Variants in PIEZO2 observed in about 807,000 individuals in gnomAD.
PIEZO2 encodes piezo type mechanosensitive ion channel component 2.
PIEZO2 carries 172 observed loss-of-function variants against 337.3 expected under a neutral mutation model. That is an observed-to-expected ratio of 0.51 (90% CI 0.45 to 0.58). The LOEUF (loss-of-function observed/expected upper bound fraction) is 0.58, where lower values mean the gene tolerates loss of function less well. Among genes scored for constraint, PIEZO2 ranks in the 20% least tolerant of loss-of-function variants. The probability of loss-of-function intolerance (pLI) is 0.00; values close to 1 mark genes in which losing one functional copy is unlikely to be tolerated. For synonymous variants in PIEZO2, 1,251 were observed against 1,228.5 expected, an observed-to-expected ratio of 1.02 and a Z score of -0.38; for missense variants, 3,028 against 3,391.3, an observed-to-expected ratio of 0.89 and a Z score of 2.66.
chr18:10,921,935 C>T (rs1332372446), intron 3 of PIEZO2, among the ~76,000 whole-genome samples: 1 of 152,080 alleles, frequency 6.6e-6, no homozygotes, highest in Non-Finnish European at 1.5e-5. Context: ...GAAATTCTTG[C>T]CTAATAAATT....
At chr18:10,703,155 T>A (rs1272997926) in intron 42 of PIEZO2, among the ~76,000 whole-genome samples, 1 of 152,226 alleles carries the variant, frequency 6.6e-6, no homozygotes, top group African/African-American at 2.4e-5. Flanking sequence ...ATTTTTAAGG[T>A]GAAATCTATA....
chr18:10,956,562 C>T (rs532729729), intron 3 of PIEZO2, among the ~76,000 whole-genome samples: 174 of 152,218 alleles, frequency 1.1e-3, no homozygotes, highest in Admixed American at 5.0e-3. Flanking sequence ...ACAAAAGACC[C>T]CAAACAGCTA....
intron 49 of PIEZO2, among the ~76,000 whole-genome samples, chr18:10,689,394 T>C (rs1320807014): frequency 1.3e-5 from 2 of 152,212 alleles, no homozygotes; most frequent in African/African-American, 2.4e-5. Flanking sequence ...TGTTGGGATA[T>C]AGCAAGCAAT....
Position 10,713,756 on chromosome 18 carries a change from T to C in PIEZO2, c.5423+1008A>G, listed in dbSNP as rs950892877. Among the ~76,000 whole-genome samples, 20 of 152,222 alleles carry C rather than the reference T, an allele frequency of 1.3e-4. No individual in the cohort carries two copies. The highest frequency in any genetic ancestry group is 2.5e-4 in the Non-Finnish European group (17 of 68,042). Reference sequence around the variant, plus strand: ...CATGTTTAATGAAAAACATAAAACATGAATGTTCTCAGTGATACAATTCTT... The same window carrying C: ...CATGTTTAATGAAAAACATAAAACACGAATGTTCTCAGTGATACAATTCTT... On this transcript the variant is annotated intron_variant, in intron 39 of 55. Coordinates refer to ENST00000674853, the MANE Select transcript of PIEZO2 (RefSeq NM_001378183.1). The surrounding 1 kb of genome is among the most constrained non-coding windows in gnomAD (Gnocchi z 4.5).
At chr18:11,036,878 G>A (rs368318492) in intron 2 of PIEZO2, among the ~76,000 whole-genome samples, 10 of 152,192 alleles carry the variant, frequency 6.6e-5, no homozygotes, top group East Asian at 5.8e-4. Flanking sequence ...TTAAAATCCC[G>A]TAATTATATT....
intron 2 of PIEZO2, among the ~76,000 whole-genome samples, chr18:11,034,469 A>AT (rs2036853993): frequency 6.6e-6 from 1 of 151,578 alleles, no homozygotes; most frequent in Non-Finnish European, 1.5e-5. Context: ...ATTTTTTTGT[A>AT]TTTTTAGTAG....
At chr18:10,762,226 T>A (rs188928002) in intron 23 of PIEZO2, among the ~76,000 whole-genome samples, 1 of 152,366 alleles carries the variant, frequency 6.6e-6, no homozygotes, top group African/African-American at 2.4e-5. Flanking sequence ...CCCATCGACC[T>A]TAATCTTGTA....
chr18:11,044,978 AT>A (rs144016451), intron 2 of PIEZO2, among the ~76,000 whole-genome samples: 30,921 of 151,412 alleles, frequency 0.2, 3,646 homozygotes, highest in African/African-American at 0.32. Context: ...CTAAGACCTC[AT>A]TTCTAAAAAT....
At chr18:10,782,299 A>T (rs1325657171) in intron 17 of PIEZO2, among the ~76,000 whole-genome samples, 10 of 112,336 alleles carry the variant, frequency 8.9e-5, no homozygotes, top group African/African-American at 7.2e-5. Flanking sequence ...TTATAATTAT[A>T]TATAAATAAT....
chr18:10,926,318 G>A (rs2031737521), intron 3 of PIEZO2, among the ~76,000 whole-genome samples: 1 of 152,218 alleles, frequency 6.6e-6, no homozygotes, highest in South Asian at 2.1e-4. Context: ...CATGGTAGGA[G>A]TATTTAAGCC....
Position 11,127,899 on chromosome 18 carries a change from G to A in PIEZO2, c.64+20626C>T, listed in dbSNP as rs1343357037. Among the ~76,000 whole-genome samples, 1 of 151,412 alleles carries A rather than the reference G, an allele frequency of 6.6e-6. No homozygotes were observed. The highest frequency in any genetic ancestry group is 1.5e-5 in the Non-Finnish European group (1 of 67,948). ...TATCAGGAGTGGTTCTAGAGGAACA[G>A]AATATTAAGGATGGAGTTCTTTCGT... On this transcript the variant is annotated intron_variant, in intron 1 of 55. Coordinates refer to ENST00000674853, the MANE Select transcript of PIEZO2 (RefSeq NM_001378183.1). This position sits in a 1 kb window ranked among gnomAD's most constrained non-coding sequence, Gnocchi z 4.5.
intron 1 of PIEZO2, among the ~76,000 whole-genome samples, chr18:11,075,935 G>A (rs2038527523): frequency 6.6e-6 from 1 of 151,862 alleles, no homozygotes; most frequent in Non-Finnish European, 1.5e-5. Flanking sequence ...GACTACAGGT[G>A]CCCGCCACCA....
At chr18:10,959,840 G>C (rs1263534247) in intron 3 of PIEZO2, among the ~76,000 whole-genome samples, 1 of 152,020 alleles carries the variant, frequency 6.6e-6, no homozygotes, top group East Asian at 1.9e-4. Context: ...ATCTCATCAC[G>C]AAGCATTTTT....
intron 1 of PIEZO2, among the ~76,000 whole-genome samples, chr18:11,115,704 G>A (rs977581219): frequency 1.3e-5 from 2 of 152,090 alleles, no homozygotes; most frequent in African/African-American, 4.8e-5. Context: ...TTAAGAAAAT[G>A]CTATGTTTAT....
Position 10,761,096 on chromosome 18 carries a change from G to C in PIEZO2, c.3265C>G (p.Leu1089Val). Residue 1089 changes from leucine to valine, a missense_variant, in exon 24 of 56, where the codon CTG (leucine) becomes GTG (valine). By Grantham distance (32) the Leu-to-Val change is conservative. Coordinates refer to ENST00000674853, the MANE Select transcript of PIEZO2 (RefSeq NM_001378183.1). ...LVYLRNNLLM[L>V]AILAFEVTIY... ...GTGACTTCAAAGGCCAGGATAGCCA[G>C]CATCAGGAGGTTATTCTACAAAGCA... 6.5e-7 allele frequency: 1 copy of C among 1,537,134 alleles called. No individual in the cohort carries two copies. The highest frequency in any genetic ancestry group is 8.7e-7 in the Non-Finnish European group (1 of 1,146,812).
intron 5 of PIEZO2, among the ~76,000 whole-genome samples, chr18:10,868,106 A>T (rs1055598956): frequency 2.0e-5 from 3 of 152,230 alleles, no homozygotes; most frequent in African/African-American, 7.2e-5. Context: ...ATCAGTGAAG[A>T]TTACAGAAGA....
At chr18:11,040,500 G>A (rs1048763296) in intron 2 of PIEZO2, among the ~76,000 whole-genome samples, 1 of 152,132 alleles carries the variant, frequency 6.6e-6, no homozygotes, top group African/African-American at 2.4e-5. Flanking sequence ...GCTACATAAG[G>A]GGATGTTTTG....
intron 1 of PIEZO2, among the ~76,000 whole-genome samples, chr18:11,120,592 T>G (rs2040003761): frequency 6.6e-6 from 1 of 152,164 alleles, no homozygotes; most frequent in Non-Finnish European, 1.5e-5. Context: ...GTTAAAGGAC[T>G]ACTGAACAGC....
chr18:10,817,849 G>T (rs2040407727), intron 7 of PIEZO2, among the ~76,000 whole-genome samples: 1 of 151,484 alleles, frequency 6.6e-6, no homozygotes, highest in African/African-American at 2.4e-5. Context: ...CTTGAACCCA[G>T]GAGGCGGAGG....
Sources: allele counts gnomAD v4.1 joint callset (sites outside exome capture counted in the v4.1 genomes callset), GRCh38; gene constraint gnomAD v4.1.1; non-coding constraint Gnocchi (gnomAD v3.1); transcripts MANE v1.5; gene names NCBI Gene and HGNC (gene_info 2026-07-23, HGNC 2026-07-21).